Variants in LAMC3 observed in about 807,000 individuals in gnomAD.
LAMC3 encodes the protein laminin subunit gamma 3, also known as laminin subunit gamma-3.
In LAMC3, 128 loss-of-function variants were observed where a neutral mutation model predicts 173.8. That is an observed-to-expected ratio of 0.74 (90% confidence interval 0.64 to 0.85). The LOEUF is 0.85. Ranked by LOEUF, LAMC3 falls within the 40% of genes least tolerant of loss-of-function variation. The pLI is 0.00. For missense variants in LAMC3, 2,022 were observed against 2,156.0 expected, an observed-to-expected ratio of 0.94 and a Z score of 1.23; for synonymous variants, 897 against 909.1, an observed-to-expected ratio of 0.99 and a Z score of 0.24.
intron 4 of LAMC3, 77 bp downstream of exon 4, chr9:131,036,409 T>A: frequency 6.5e-7 from 1 of 1,538,208 alleles, no homozygotes. Context: ...CCCCAAAACG[T>A]CGTGGTGGGG....
Position 131,087,553 on chromosome 9 carries a change from G to T in LAMC3, c.4308G>T (p.Thr1436=), listed in dbSNP as rs201023030. 6.2e-6 allele frequency: 10 copies of T among 1,613,794 alleles called. No individual in the cohort carries two copies. Among genetic ancestry groups the T allele is most frequent in the African/African-American group, 5.3e-5 (4 of 74,958 alleles). ...ASRLTSQTQA[T]LQQASQQVLA... ...GGCTCACCAGCCAGACGCAAGCCAC[G>T]CTCCAACAGGCGTCCCAGCAGGTGC... Residue 1436 remains threonine (T), a synonymous_variant, in exon 26 of 28, where the codon ACG becomes ACT. Coordinates refer to ENST00000361069, the MANE Select transcript of LAMC3 (RefSeq NM_006059.4).
In LAMC3 at chr9:131,075,843, C is replaced by T. The variant is rs3818800; in HGVS notation, c.3507C>T (p.Thr1169=). Residue 1169 remains threonine (T), a synonymous_variant, in exon 21 of 28, where the codon ACC becomes ACT. Transcript: ENST00000361069. ...TGTCCTCACACAGCCACAGAGACAC[C>T]GCCACCAAGATCGCAGCCACTGCTT... ...ARALARSHRD[T]ATKIAATAWR... is the part of the protein sequence containing the mutation. 0.085 allele frequency: 137,578 copies of T among 1,610,632 alleles called. 8,760 individuals carry two copies. Among genetic ancestry groups the T allele is most frequent in the African/African-American group, 0.32 (23,803 of 74,904 alleles).
chr9:131,055,716 C>T (rs1271306424), intron 11 of LAMC3, among the ~76,000 whole-genome samples: 2 of 151,744 alleles, frequency 1.3e-5, no homozygotes, highest in South Asian at 2.1e-4. Context: ...CGAGCCACCG[C>T]GCCCGGCCCA....
At chr9:131,056,440 T>C (rs1834404737) in intron 11 of LAMC3, among the ~76,000 whole-genome samples, 1 of 151,924 alleles carries the variant, frequency 6.6e-6, no homozygotes, top group Non-Finnish European at 1.5e-5. Flanking sequence ...CAGCCATATC[T>C]ATTTCTTCTT....
chr9:131,017,811 C>T (rs1323690161), intron 1 of LAMC3, among the ~76,000 whole-genome samples: 2 of 149,482 alleles, frequency 1.3e-5, no homozygotes, highest in East Asian at 2.0e-4. Flanking sequence ...GGATCACCTT[C>T]GGTCAAGAGT....
chr9:131,034,300 G>A (rs917429103), intron 3 of LAMC3, among the ~76,000 whole-genome samples: 1 of 152,212 alleles, frequency 6.6e-6, no homozygotes, highest in Non-Finnish European at 1.5e-5. Context: ...CTTCCCTGGT[G>A]ACCACTGTCC....
chr9:131,041,562 C>T (rs957670463), intron 6 of LAMC3, 75 bp from the exon 7 acceptor site: 1 of 1,321,820 alleles, frequency 7.6e-7, no homozygotes. Context: ...AGGGAAAGCT[C>T]CCTTCCTAGG....
At chr9:131,052,219 C>T (rs1387309845) in intron 9 of LAMC3, among the ~76,000 whole-genome samples, 5 of 152,112 alleles carry the variant, frequency 3.3e-5, no homozygotes, top group South Asian at 2.1e-4. Context: ...CGTGTTCCAT[C>T]GGACGTCACT....
chr9:131,082,137 A>G lies in LAMC3; in HGVS notation c.4006A>G (p.Arg1336Gly). ...QAATVTVMGA[R>G]TLLADLEGMK... ...TGCGACAGTGACTGTCATGGGAGCC[A>G]GGACTCTGCTGGCTGATCTGGAAGG... is the stretch of plus-strand genomic sequence containing the variant. Residue 1336 changes from arginine (R) to glycine (G), a missense_variant, in exon 24 of 28, where the codon AGG (arginine) becomes GGG (glycine). Coordinates refer to ENST00000361069, the MANE Select transcript of LAMC3 (RefSeq NM_006059.4). 1 of 1,613,690 alleles carries G rather than the reference A, an allele frequency of 6.2e-7. No homozygotes were observed. Among genetic ancestry groups the G allele is most frequent in the Non-Finnish European group, 8.5e-7 (1 of 1,179,804 alleles).
chr9:131,053,001 G>T, intron 11 of LAMC3, 36 bp downstream of exon 11: 1 of 1,473,710 alleles, frequency 6.8e-7, no homozygotes, highest in Non-Finnish European at 9.4e-7. Flanking sequence ...AGACCCGAGT[G>T]CTTGCCAGGT....
chr9:131,018,497 G>T (rs1259192021), intron 1 of LAMC3, among the ~76,000 whole-genome samples: 1 of 152,094 alleles, frequency 6.6e-6, no homozygotes, highest in Non-Finnish European at 1.5e-5. Context: ...ACCCTCACAA[G>T]CTCCAGGGGC....
intron 13 of LAMC3, among the ~76,000 whole-genome samples, chr9:131,065,143 G>T (rs1429971880): frequency 1.3e-5 from 2 of 152,130 alleles, no homozygotes; most frequent in African/African-American, 2.4e-5. Flanking sequence ...GCCTGACACT[G>T]GTTTCATGTA....
At position 131,009,504 on chromosome 9, in the gene LAMC3, A is replaced by G. The variant is rs141758463; in HGVS notation, c.290A>G (p.Gln97Arg). The change falls in exon 1 of 28, where the codon CAG becomes CGG. Residue 97 changes from glutamine (Q) to arginine (R), a missense_variant. By Grantham distance (43) the Gln-to-Arg change is conservative. Transcript: ENST00000361069. This position sits in a 1 kb window ranked among gnomAD's most constrained non-coding sequence, Gnocchi z 4.3. The stretch of plus-strand genomic sequence containing the variant: ...TCCTACCTCACCGACTTCCACAGCC[A>G]GGACGAGAGCACCTGGTGGCAGAGC... Reference protein sequence around the residue: ...NASYLTDFHSQDESTWWQSPS... With the variant: ...NASYLTDFHSRDESTWWQSPS... 772 of 1,552,310 alleles carry G rather than the reference A, an allele frequency of 5.0e-4. 2 individuals are homozygous for G. Among genetic ancestry groups the G allele is most frequent in the South Asian group, 1.3e-3 (112 of 84,154 alleles).
rs200265275 is a variant in LAMC3, at chr9:131,068,184, C to T, written c.2700C>T (p.Arg900=). The change falls in exon 15 of 28, where the codon CGC becomes CGT. Residue 900 remains arginine (R), a synonymous_variant. Coordinates refer to ENST00000361069, the MANE Select transcript of LAMC3 (RefSeq NM_006059.4). ...LPHVTARDCS[R]CYPGFFDLQP... ...ATGTGACTGCACGGGACTGCAGCCG[C>T]TGCTACCCTGGCTTCTTCGACCTCC... 4 of 1,613,156 alleles carry T rather than the reference C, an allele frequency of 2.5e-6. No homozygotes were observed. In the Admixed American group the frequency reaches 5.0e-5, roughly 20 times the overall value.
chr9:131,030,674 G>A (rs1195963031), intron 2 of LAMC3, among the ~76,000 whole-genome samples: 3 of 152,222 alleles, frequency 2.0e-5, no homozygotes, highest in African/African-American at 7.2e-5. Flanking sequence ...TACAATATGT[G>A]TCAGTAGCCG....
chr9:131,019,915 C>T (rs1464859684), intron 1 of LAMC3, among the ~76,000 whole-genome samples: 1 of 152,036 alleles, frequency 6.6e-6, no homozygotes, highest in Non-Finnish European at 1.5e-5. Context: ...CCACGCCAAA[C>T]AGCAGGAGCG....
chr9:131,076,351 C>T lies in LAMC3; in HGVS notation c.3629+386C>T, dbSNP rs532425189. On this transcript the variant is annotated intron_variant, in intron 21 of 27. Coordinates refer to ENST00000361069, the MANE Select transcript of LAMC3 (RefSeq NM_006059.4). ...TTCTTTCTCTGCCTCTGCAGACAGA[C>T]GGCTCTGCTTTTCTGCTTTGGTGAC... 5.3e-5 allele frequency among the ~76,000 whole-genome samples: 8 copies of T among 152,260 alleles called. No individual in the cohort carries two copies. In the South Asian group the frequency reaches 6.2e-4, roughly 12 times the overall value.
At position 131,026,663 on chromosome 9, in the gene LAMC3, G is replaced by C. The variant is rs1833723618; in HGVS notation, c.678+74G>C. 2 of 1,462,854 alleles carry C rather than the reference G, an allele frequency of 1.4e-6. No individual in the cohort carries two copies. Among genetic ancestry groups the C allele is most frequent in the Admixed American group, 5.0e-5 (2 of 40,074 alleles). 90.6% of individuals were successfully genotyped at this position (1,462,854 alleles called of 1,614,324 possible). On this transcript the variant is annotated intron_variant, in intron 2 of 27. Coordinates refer to ENST00000361069, the MANE Select transcript of LAMC3 (RefSeq NM_006059.4). The surrounding 1 kb of genome is among the most constrained non-coding windows in gnomAD (Gnocchi z 4.8). ...TCACGGCAGTAGGAGGGTCTGATGT[G>C]CCAGGACACACAGGGTGGGGGACCT...
chr9:131,064,845 A>G (rs551531771), intron 13 of LAMC3, among the ~76,000 whole-genome samples: 1 of 152,166 alleles, frequency 6.6e-6, no homozygotes, highest in South Asian at 2.1e-4. Context: ...GTTCCAGACC[A>G]GCATGGCCAA....
Sources: gnomAD v4.1 joint callset for allele counts (sites outside exome capture counted in the v4.1 genomes callset) on GRCh38, gnomAD v4.1.1 for gene constraint, Gnocchi (gnomAD v3.1) non-coding constraint, MANE v1.5 for transcripts, NCBI Gene and HGNC (gene_info 2026-07-23, HGNC 2026-07-21) for gene names.